The following NCOA1 variants were observed in gnomAD, a reference collection of about 807,000 sequenced individuals.
NCOA1 encodes nuclear receptor coactivator 1.
In NCOA1, 35 loss-of-function variants were observed where a neutral mutation model predicts 150.9. The ratio of observed to expected loss-of-function variants is 0.23; its 90% CI spans 0.18 to 0.31. The LOEUF is 0.31. Among genes scored for constraint, NCOA1 ranks in the 10% least tolerant of loss-of-function variants. The pLI, the probability that NCOA1 is intolerant of heterozygous loss-of-function variation, is 1.00. For missense variants in NCOA1, 1,491 were observed against 1,749.3 expected (o/e 0.85, Z 2.63); for synonymous variants, 590 against 630.0 (o/e 0.94, Z 0.95).
intron 19 of NCOA1, among the ~76,000 whole-genome samples, chr2:24,747,812 A>G (rs2148672223): frequency 1.1e-5 from 1 of 87,960 alleles, no homozygotes; most frequent in East Asian, 3.2e-4. Flanking sequence ...TCATAAATGA[A>G]AAAAAAAATG....
chr2:24,731,389 G>A (rs1223879674), intron 17 of NCOA1, among the ~76,000 whole-genome samples: 1 of 152,154 alleles, frequency 6.6e-6, no homozygotes, highest in Non-Finnish European at 1.5e-5. Flanking sequence ...ACTGGTGGTT[G>A]TATGGAATAA....
intron 3 of NCOA1, among the ~76,000 whole-genome samples, chr2:24,623,380 T>A (rs1339134262): frequency 6.6e-6 from 1 of 152,218 alleles, no homozygotes; most frequent in East Asian, 1.9e-4. Context: ...CTATGGAATT[T>A]TTTTACTTTC....
intron 8 of NCOA1, among the ~76,000 whole-genome samples, chr2:24,685,881 T>G (rs60936690): frequency 1.3e-3 from 193 of 152,346 alleles, no homozygotes; most frequent in African/African-American, 4.4e-3. Context: ...TAGAAATCAA[T>G]GTGAAGGAAG....
chr2:24,681,474 A>C (rs1672165698), intron 7 of NCOA1, among the ~76,000 whole-genome samples: 1 of 144,834 alleles, frequency 6.9e-6, no homozygotes, highest in Non-Finnish European at 1.5e-5. Context: ...TTTCAGTATC[A>C]CGTCATTTTC....
At chr2:24,522,990 G>A (rs1459724030) in intron 1 of NCOA1, among the ~76,000 whole-genome samples, 1 of 152,048 alleles carries the variant, frequency 6.6e-6, no homozygotes, top group Non-Finnish European at 1.5e-5. Flanking sequence ...CTTTTTGAGT[G>A]CTTATCTTAT....
intron 18 of NCOA1, among the ~76,000 whole-genome samples, chr2:24,739,995 C>T (rs1354362447): frequency 6.6e-6 from 1 of 151,642 alleles, no homozygotes; most frequent in African/African-American, 2.4e-5. Context: ...AAACCCAGAG[C>T]CATTAGAACT....
At chr2:24,592,278 A>G (rs1410752582) in intron 3 of NCOA1, among the ~76,000 whole-genome samples, 1 of 152,164 alleles carries the variant, frequency 6.6e-6, no homozygotes, top group East Asian at 1.9e-4. Context: ...ATTTTTTTCC[A>G]AGTAAGCTTC....
At chr2:24,552,353 A>ATATATATATATAT (rs1665887989) in intron 1 of NCOA1, among the ~76,000 whole-genome samples, 1 of 38,350 alleles carries the variant, frequency 2.6e-5, no homozygotes, top group Non-Finnish European at 4.3e-5. Context: ...ATATATATAT[A>ATATATATATATAT]TTTTTTTTTT....
rs528819339 is a variant in NCOA1 at position 24,654,729 on chromosome 2, T to C, written c.-17-3932T>C. Among the ~76,000 whole-genome samples the C allele has an allele frequency of 3.3e-5, 5 of 152,258 alleles. No individual in the cohort carries two copies. The South Asian group carries it at 1.0e-3, about 32-fold the overall frequency. ...CCTTACATGGTATAGCCTCCTATTA[T>C]CTCTCTGAACTCGTCACTTACTCCC... is the stretch of plus-strand genomic sequence containing the variant. On this transcript the variant is annotated intron_variant, in intron 4 of 22. Coordinates refer to ENST00000348332, the MANE Select transcript of NCOA1 (RefSeq NM_003743.5).
In NCOA1 at chr2:24,576,170, G is replaced by GTTTTTGTTTTTTTT. The variant is rs1666967476; in HGVS notation, c.-259-8301_-259-8300insGTTTTTTTTTTTTT. Among the ~76,000 whole-genome samples, 106 of 46,216 alleles carry GTTTTTGTTTTTTTT rather than the reference G, an allele frequency of 2.3e-3. 5 individuals are homozygous for GTTTTTGTTTTTTTT. Among genetic ancestry groups the GTTTTTGTTTTTTTT allele is most frequent in the African/African-American group, 6.1e-3 (95 of 15,628 alleles). The allele number at this position is 46,216 out of a possible 152,430, so 30.3% of individuals were successfully genotyped here. ...CTTTGTTTTTTTTTTTTTGTTTTTTGTTTTTTTTTTTTTTTTTTTTTGTTT... is the reference window on the plus strand; with the variant it reads ...CTTTGTTTTTTTTTTTTTGTTTTTTGTTTTTGTTTTTTTTTTTTTTTTTTTTTTTTTTTTTGTTT... On this transcript the variant is annotated intron_variant, in intron 2 of 22. Coordinates refer to ENST00000348332, the MANE Select transcript of NCOA1 (RefSeq NM_003743.5).
intron 14 of NCOA1, among the ~76,000 whole-genome samples, chr2:24,720,062 G>A (rs1462861707): frequency 1.3e-5 from 2 of 152,180 alleles, no homozygotes; most frequent in South Asian, 2.1e-4. Context: ...TTGGGAACCA[G>A]GATGGTAGTA....
At chr2:24,514,789 A>G (rs1664098607) in intron 1 of NCOA1, among the ~76,000 whole-genome samples, 1 of 152,222 alleles carries the variant, frequency 6.6e-6, no homozygotes, top group African/African-American at 2.4e-5. Context: ...AAAACAAGAA[A>G]AAAAAGTAAA....
intron 1 of NCOA1, among the ~76,000 whole-genome samples, chr2:24,520,646 T>G (rs768227686): frequency 2.6e-5 from 4 of 152,196 alleles, no homozygotes; most frequent in African/African-American, 4.8e-5. Flanking sequence ...AGGAAACTTA[T>G]GAGAGTGATG....
chr2:24,709,003 T>C (rs1360850531), intron 13 of NCOA1, among the ~76,000 whole-genome samples: 1 of 152,220 alleles, frequency 6.6e-6, no homozygotes, highest in East Asian at 1.9e-4. Flanking sequence ...TTCTGTCCTT[T>C]TGTGGTGCTT....
chr2:24,503,955 G>C (rs1663582494), intron 1 of NCOA1, among the ~76,000 whole-genome samples: 1 of 152,024 alleles, frequency 6.6e-6, no homozygotes, highest in Admixed American at 6.6e-5. Context: ...GGCTGGTCTT[G>C]AACTCCTGAC....
chr2:24,726,342 A>G lies in NCOA1; in HGVS notation c.2600-247A>G, dbSNP rs565066908. On this transcript the variant is annotated intron_variant, in intron 14 of 22. Coordinates refer to ENST00000348332, the MANE Select transcript of NCOA1 (RefSeq NM_003743.5). Reference sequence around the variant, plus strand: ...GACAAAGTCCTGAGTGATTCTGGATAACAGTAACCTATGTACAAACTTTAA... The same window carrying G: ...GACAAAGTCCTGAGTGATTCTGGATGACAGTAACCTATGTACAAACTTTAA... 2.6e-5 allele frequency among the ~76,000 whole-genome samples: 4 copies of G among 152,324 alleles called. No individual in the cohort carries two copies. In the South Asian group the frequency reaches 8.3e-4, roughly 32 times the overall value.
At chr2:24,611,509 G>C (rs1016948255) in intron 3 of NCOA1, among the ~76,000 whole-genome samples, 1 of 152,086 alleles carries the variant, frequency 6.6e-6, no homozygotes, top group East Asian at 1.9e-4. Flanking sequence ...TAAGTTATTT[G>C]AGAAACCTCC....
chr2:24,627,694 A>G (rs1319662921), intron 3 of NCOA1, among the ~76,000 whole-genome samples: 1 of 152,248 alleles, frequency 6.6e-6, no homozygotes, highest in Non-Finnish European at 1.5e-5. Context: ...TTGGAGATTT[A>G]GAACAACTTG....
chr2:24,700,921 T>G (rs1673126499), intron 11 of NCOA1, among the ~76,000 whole-genome samples: 1 of 152,222 alleles, frequency 6.6e-6, no homozygotes, highest in African/African-American at 2.4e-5. Flanking sequence ...TAGGAAATGA[T>G]GTTTTATGGG....
Sources: allele counts gnomAD v4.1 joint callset (sites outside exome capture counted in the v4.1 genomes callset), GRCh38; gene constraint gnomAD v4.1.1; transcripts MANE v1.5; gene names NCBI Gene and HGNC (gene_info 2026-07-23, HGNC 2026-07-21).